HDAC9: variants seen among roughly 807,000 people sequenced by gnomAD.
HDAC9 encodes MEF-2 interacting transcription repressor (MITR) protein.
HDAC9 carries 41 observed loss-of-function variants against 139.4 expected under a neutral mutation model. The observed-to-expected ratio is 0.29, with a 90% CI of 0.23 to 0.38. HDAC9 has a LOEUF of 0.38. Ranked by LOEUF, HDAC9 falls within the 10% of genes least tolerant of loss-of-function variation. The pLI is 1.00. For synonymous variants in HDAC9, 517 were observed against 476.2 expected, an observed-to-expected ratio of 1.09 and a Z score of -1.12; for missense variants, 1,147 against 1,297.0, an observed-to-expected ratio of 0.88 and a Z score of 1.78.
At chr7:18,589,854 T>G (rs895985833) in intron 3 of HDAC9, among the ~76,000 whole-genome samples, 1 of 152,200 alleles carries the variant, frequency 6.6e-6, no homozygotes, top group African/African-American at 2.4e-5. Context: ...TTTGTTTACT[T>G]CAGGTAAACT....
intron 25 of HDAC9, among the ~76,000 whole-genome samples, chr7:18,992,389 T>C (rs756494331): frequency 6.6e-6 from 1 of 151,904 alleles, no homozygotes; most frequent in Non-Finnish European, 1.5e-5. Flanking sequence ...AGTGAGAAAA[T>C]TATGCACATG....
intron 2 of HDAC9, among the ~76,000 whole-genome samples, chr7:18,183,556 A>G (rs1211838722): frequency 1.3e-5 from 2 of 152,198 alleles, no homozygotes; most frequent in Non-Finnish European, 2.9e-5. Context: ...TTTCCCCCAC[A>G]GAAGATAGCT....
intron 2 of HDAC9, among the ~76,000 whole-genome samples, chr7:18,268,197 C>A (rs1016168255): frequency 5.9e-5 from 9 of 152,052 alleles, no homozygotes; most frequent in Non-Finnish European, 1.3e-4. Context: ...TTATAAAATT[C>A]ATCTAACATA....
At chr7:18,583,975 G>A (rs1428678134) in intron 2 of HDAC9, among the ~76,000 whole-genome samples, 2 of 151,960 alleles carry the variant, frequency 1.3e-5, no homozygotes, top group East Asian at 1.9e-4. Flanking sequence ...GAATTTTCCC[G>A]ATTCTTGTGG....
At chr7:18,553,570 A>G (rs1002115763) in intron 2 of HDAC9, among the ~76,000 whole-genome samples, 1 of 152,230 alleles carries the variant, frequency 6.6e-6, no homozygotes, top group Non-Finnish European at 1.5e-5. Context: ...TTAGGTGTTA[A>G]GCTTCGAAAG....
intron 12 of HDAC9, among the ~76,000 whole-genome samples, chr7:18,687,326 C>G (rs982045338): frequency 8.6e-5 from 13 of 151,752 alleles, no homozygotes; most frequent in African/African-American, 3.1e-4. Flanking sequence ...CTGGCCATGC[C>G]AGATCCCTTT....
At chr7:18,961,646 AAT>A (rs1418737301) in intron 24 of HDAC9, among the ~76,000 whole-genome samples, 8 of 152,178 alleles carry the variant, frequency 5.3e-5, no homozygotes, top group Admixed American at 3.3e-4. Context: ...CAAATAATAA[AAT>A]AATGTAATAA....
rs1791489141 is a variant in HDAC9, at chr7:18,784,142, GT to G, written c.2215-9201del. On this transcript the variant is annotated intron_variant, in intron 16 of 25. Coordinates refer to ENST00000686413, the MANE Select transcript of HDAC9 (RefSeq NM_178425.4). ...GTATTATTATTATTATTATTATTTG[GT>G]TCTTTGTCTCTGTCTGTGGACTCAT... 5.5e-5 allele frequency among the ~76,000 whole-genome samples: 3 copies of G among 54,918 alleles called. 1 individual carries two copies. Among genetic ancestry groups the G allele is most frequent in the South Asian group, 1.3e-3 (2 of 1,486 alleles). 36.0% of individuals were successfully genotyped at this position (54,918 alleles called of 152,430 possible). A position where few individuals can be genotyped will look rare whatever the true frequency, so the allele number is the denominator to read the frequency against.
chr7:18,570,050 C>T (rs1200022140), intron 2 of HDAC9, among the ~76,000 whole-genome samples: 1 of 152,156 alleles, frequency 6.6e-6, no homozygotes. Context: ...TAGTATCTCT[C>T]TCTGTCTGAT....
At chr7:18,793,151 G>T (rs1772161700) in intron 16 of HDAC9, 194 bp from the exon 17 acceptor site, 1 of 572,256 alleles carries the variant, frequency 1.7e-6, no homozygotes. Flanking sequence ...TGTCCAGAAG[G>T]CCTTTTCAGC....
At chr7:18,947,402 A>G (rs1585381890) in intron 23 of HDAC9, among the ~76,000 whole-genome samples, 1 of 152,000 alleles carries the variant, frequency 6.6e-6, no homozygotes, top group Admixed American at 6.6e-5. Flanking sequence ...GCACTGGGAA[A>G]GAAAAGGAGA....
intron 2 of HDAC9, among the ~76,000 whole-genome samples, chr7:18,503,512 T>A (rs186949158): frequency 3.8e-4 from 58 of 152,368 alleles, no homozygotes; most frequent in African/African-American, 1.3e-3. Context: ...ATACTTCTTG[T>A]GTTTTTATAA....
In HDAC9 at chr7:18,762,173, A is replaced by G; in HGVS notation, c.2060A>G (p.Lys687Arg). 6.2e-7 allele frequency: 1 copy of G among 1,613,560 alleles called. No homozygotes were observed. The highest frequency in any genetic ancestry group is 8.5e-7 in the Non-Finnish European group (1 of 1,179,676). ...LNKCERIQGR[K>R]ASLEEIQLVH... ...TTCTTGCAGCGAATTCAAGGTCGAA[A>G]AGCCAGCCTGGAGGAAATACAGCTT... The change falls in exon 15 of 26, where the codon AAA (lysine) becomes AGA (arginine). Residue 687 changes from lysine to arginine, a missense_variant. Lys to Arg is a conservative substitution (Grantham distance 26). Around this residue, in one of 7 missense-constraint regions of HDAC9, gnomAD observed 407 missense variants for 521.5 expected, o/e 0.78. Transcript: ENST00000686413.
intron 2 of HDAC9, among the ~76,000 whole-genome samples, chr7:18,187,764 TC>T (rs1407405770): frequency 1.3e-5 from 2 of 152,186 alleles, no homozygotes; most frequent in Non-Finnish European, 2.9e-5. Flanking sequence ...TCGAAAATCT[TC>T]CATGGCTTGC....
rs59712565 is a variant in HDAC9 at position 18,216,129 on chromosome 7, T to TGA, written c.25+53799_25+53800dup. ...GTCTGTGTGTGTGTGTGTGTGTGTG[T>TGA]GAGAGAGAGAGAGAGAGAGACAGAG... On this transcript the variant is annotated intron_variant, in intron 2 of 12. Transcript: ENST00000417496. Among the ~76,000 whole-genome samples, 611 of 143,730 alleles carry TGA rather than the reference T, an allele frequency of 4.3e-3. 1 individual carries two copies. The highest frequency in any genetic ancestry group is 7.4e-3 in the Non-Finnish European group (482 of 65,446). 94.3% of individuals were successfully genotyped at this position (143,730 alleles called of 152,430 possible).
intron 22 of HDAC9, among the ~76,000 whole-genome samples, chr7:18,928,520 CTTTGA>C (rs1275216233): frequency 6.6e-6 from 1 of 152,140 alleles, no homozygotes; most frequent in Admixed American, 6.5e-5. Context: ...ACATTGGTCA[CTTTGA>C]TTATACACTA....
chr7:18,785,022 G>A (rs1416191248), intron 16 of HDAC9, among the ~76,000 whole-genome samples: 1 of 151,688 alleles, frequency 6.6e-6, no homozygotes, highest in Non-Finnish European at 1.5e-5. Flanking sequence ...ATTATATGAT[G>A]TTCCTTGACC....
chr7:18,356,105 C>G (rs1304146407), intron 1 of HDAC9, among the ~76,000 whole-genome samples: 1 of 151,692 alleles, frequency 6.6e-6, no homozygotes, highest in Non-Finnish European at 1.5e-5. Flanking sequence ...TTTAAAAATG[C>G]ATGTAAAAAA....
intron 1 of HDAC9, among the ~76,000 whole-genome samples, chr7:18,141,074 A>G (rs977151833): frequency 1.3e-5 from 2 of 152,196 alleles, no homozygotes; most frequent in Non-Finnish European, 2.9e-5. Context: ...TTAGCAAGCA[A>G]GCCACACTAG....
Sources: allele counts gnomAD v4.1 joint callset (sites outside exome capture counted in the v4.1 genomes callset), GRCh38; gene constraint gnomAD v4.1.1; regional missense constraint gnomAD v4.1.1; transcripts MANE v1.5; gene names NCBI Gene and HGNC (gene_info 2026-07-23, HGNC 2026-07-21).